Variants in PITPNM2 observed in about 807,000 individuals in gnomAD.
PITPNM2 encodes phosphatidylinositol transfer protein membrane associated 2.
PITPNM2 carries 35 observed loss-of-function variants against 132.2 expected under a neutral mutation model. The ratio of observed to expected loss-of-function variants is 0.26; its 90% CI spans 0.20 to 0.35. PITPNM2 has a LOEUF of 0.35. PITPNM2 is among the 10% of genes least tolerant of loss of function. The pLI, the probability that PITPNM2 is intolerant of heterozygous loss-of-function variation, is 1.00. For synonymous variants in PITPNM2, 738 were observed against 799.2 expected (o/e 0.92, Z 1.29); for missense variants, 1,332 against 1,912.0 (o/e 0.70, Z 5.66).
intron 1 of PITPNM2, among the ~76,000 whole-genome samples, chr12:123,137,104 G>A (rs1413937655): frequency 6.6e-6 from 1 of 152,152 alleles, no homozygotes; most frequent in Non-Finnish European, 1.5e-5. Flanking sequence ...TTTCCGCTCT[G>A]AGCCAGCCAC....
chr12:123,080,578 G>A (rs1234665476), intron 2 of PITPNM2, among the ~76,000 whole-genome samples: 1 of 152,228 alleles, frequency 6.6e-6, no homozygotes, highest in African/African-American at 2.4e-5. Context: ...GGGGCCCAAG[G>A]CAGAGATCCT....
chr12:123,107,367 T>C (rs1229031179), intron 2 of PITPNM2, among the ~76,000 whole-genome samples: 1 of 152,190 alleles, frequency 6.6e-6, no homozygotes, highest in Non-Finnish European at 1.5e-5. Flanking sequence ...AGGGCAAATA[T>C]TCTCCTTGGC....
At chr12:123,129,704 AG>A (rs1430640319) in intron 1 of PITPNM2, among the ~76,000 whole-genome samples, 1 of 151,972 alleles carries the variant, frequency 6.6e-6, no homozygotes, top group African/African-American at 2.4e-5. Flanking sequence ...TATGTTTCTG[AG>A]GCTGGCCCAC....
At chr12:123,007,217 T>A (rs2038972170) in intron 6 of PITPNM2, among the ~76,000 whole-genome samples, 1 of 152,036 alleles carries the variant, frequency 6.6e-6, no homozygotes, top group Admixed American at 6.6e-5. Flanking sequence ...TCTGGGTGAG[T>A]TTTGTCCATG....
chr12:123,048,537 C>A (rs1422211028), intron 2 of PITPNM2, among the ~76,000 whole-genome samples: 1 of 152,054 alleles, frequency 6.6e-6, no homozygotes, highest in Admixed American at 6.5e-5. Context: ...CTCAGCCTCC[C>A]GAGTAGCTGG....
chr12:123,011,884 T>C (rs960418135), intron 5 of PITPNM2, among the ~76,000 whole-genome samples: 5 of 152,128 alleles, frequency 3.3e-5, no homozygotes, highest in African/African-American at 9.7e-5. Flanking sequence ...CCACTCATGC[T>C]ATGACGCTTT....
Position 123,097,975 on chromosome 12 carries a change from G to A in PITPNM2, c.-96+12410C>T, listed in dbSNP as rs1298188926. 6.6e-6 allele frequency among the ~76,000 whole-genome samples: 1 copy of A among 152,218 alleles called. No homozygotes were observed. Among genetic ancestry groups the A allele is most frequent in the Non-Finnish European group, 1.5e-5 (1 of 68,044 alleles). ...ATGTCGAAAATGATACATCACAGCC[G>A]CCAGGCCACAGGGAGACCAAAGGTG... On this transcript the variant is annotated intron_variant, in intron 2 of 25. Coordinates refer to ENST00000320201, the MANE Select transcript of PITPNM2 (RefSeq NM_020845.3). This position sits in a 1 kb window ranked among gnomAD's most constrained non-coding sequence, Gnocchi z 4.7.
intron 3 of PITPNM2, 44 bp downstream of exon 3, chr12:123,034,469 C>T (rs375752451): frequency 7.1e-5 from 111 of 1,570,200 alleles, no homozygotes; most frequent in Non-Finnish European, 9.4e-5. Flanking sequence ...TGCGCTGGCG[C>T]GACCCACCCT....
intron 1 of PITPNM2, among the ~76,000 whole-genome samples, chr12:123,141,076 C>T (rs184923851): frequency 6.6e-6 from 1 of 152,134 alleles, no homozygotes; most frequent in African/African-American, 2.4e-5. Flanking sequence ...GGCTGTGTAA[C>T]AGAACATGAC....
At chr12:122,999,494 G>A (rs891647379) in intron 10 of PITPNM2, among the ~76,000 whole-genome samples, 5 of 152,196 alleles carry the variant, frequency 3.3e-5, no homozygotes, top group Non-Finnish European at 7.4e-5. Flanking sequence ...CAGCCTTCAC[G>A]ACAGGGAGGT....
intron 1 of PITPNM2, among the ~76,000 whole-genome samples, chr12:123,136,702 C>T (rs2043389290): frequency 6.6e-6 from 1 of 151,842 alleles, no homozygotes; most frequent in Non-Finnish European, 1.5e-5. Context: ...TTGACACCAT[C>T]CTGGCTAATG....
At chr12:123,096,775 C>G (rs1485215853) in intron 2 of PITPNM2, among the ~76,000 whole-genome samples, 1 of 152,136 alleles carries the variant, frequency 6.6e-6, no homozygotes, top group African/African-American at 2.4e-5. Flanking sequence ...CCAGGCAGGG[C>G]AGAAGCAGAA....
chr12:122,988,396 GGGCTTCCTGCCCTGGGAGGAGGA>G, intron 19 of PITPNM2, 46 bp from the exon 20 acceptor site: 1 of 1,544,666 alleles, frequency 6.5e-7, no homozygotes, highest in Non-Finnish European at 8.9e-7. Context: ...TGCCACCCGG[GGGCTTCCTGCCCTGGGAGGAGGA>G]GGCCCAGTAC....
At chr12:123,124,668 C>A (rs1238984444) in intron 1 of PITPNM2, among the ~76,000 whole-genome samples, 3 of 152,054 alleles carry the variant, frequency 2.0e-5, no homozygotes, top group Non-Finnish European at 2.9e-5. Context: ...TGTGCTACAC[C>A]CATTAACTCG....
chr12:123,139,396 G>A (rs2043452682), intron 1 of PITPNM2, among the ~76,000 whole-genome samples: 1 of 151,802 alleles, frequency 6.6e-6, no homozygotes, highest in Non-Finnish European at 1.5e-5. Context: ...AGCTACTCAG[G>A]AGGCTGAGGC....
chr12:123,119,355 A>ACTTTTTTTTTTTTTTTT lies in PITPNM2; in HGVS notation c.-199-8868_-199-8867insAAAAAAAAAAAAAAAAG. Among the ~76,000 whole-genome samples, 2 of 129,306 alleles carry ACTTTTTTTTTTTTTTTT rather than the reference A, an allele frequency of 1.5e-5. 1 individual carries two copies. The highest frequency in any genetic ancestry group is 1.6e-4 in the Admixed American group (2 of 12,668). The allele number at this position is 129,306 out of a possible 152,430, so 84.8% of individuals were successfully genotyped here. A position where few individuals can be genotyped will look rare whatever the true frequency, so the allele number is the denominator to read the frequency against. On this transcript the variant is annotated intron_variant, in intron 1 of 25. Transcript: ENST00000320201. ...CTATCTAGAAGCATAGAGGATGGTG[A>ACTTTTTTTTTTTTTTTT]TTTTTTTTTTTTTTTTTTTTGAGAC...
chr12:123,021,522 G>A (rs927369449), intron 3 of PITPNM2, among the ~76,000 whole-genome samples: 1 of 152,146 alleles, frequency 6.6e-6, no homozygotes, highest in Non-Finnish European at 1.5e-5. Flanking sequence ...TTTGTAGAGT[G>A]CCTTGGTCTC....
In PITPNM2 at chr12:123,008,287, A is replaced by G. The variant is rs1490003513; in HGVS notation, c.643+1563T>C. Among the ~76,000 whole-genome samples, 1 of 152,200 alleles carries G rather than the reference A, an allele frequency of 6.6e-6. No individual in the cohort carries two copies. Among genetic ancestry groups the G allele is most frequent in the East Asian group, 1.9e-4 (1 of 5,194 alleles). On this transcript the variant is annotated intron_variant, in intron 6 of 25. Transcript: ENST00000320201. This position sits in a 1 kb window ranked among gnomAD's most constrained non-coding sequence, Gnocchi z 4.1. ...GAGCCAAGCAGACCCACAGAGCCAGAGTGCCAGGAGCTGCAGCCTTAGTAG... is the reference window on the plus strand; with the variant it reads ...GAGCCAAGCAGACCCACAGAGCCAGGGTGCCAGGAGCTGCAGCCTTAGTAG...
In PITPNM2 at chr12:123,008,297, G is replaced by C. The variant is rs1196513475; in HGVS notation, c.643+1553C>G. On this transcript the variant is annotated intron_variant, in intron 6 of 25. Coordinates refer to ENST00000320201, the MANE Select transcript of PITPNM2 (RefSeq NM_020845.3). The surrounding 1 kb of genome is among the most constrained non-coding windows in gnomAD (Gnocchi z 4.1). ...GACCCACAGAGCCAGAGTGCCAGGA[G>C]CTGCAGCCTTAGTAGGTCTGCTGGG... is the stretch of plus-strand genomic sequence containing the variant. Among the ~76,000 whole-genome samples the C allele has an allele frequency of 6.6e-6, 1 of 152,224 alleles. No homozygotes were observed. Among genetic ancestry groups the C allele is most frequent in the Non-Finnish European group, 1.5e-5 (1 of 68,042 alleles).
Sources: gnomAD v4.1 joint callset for allele counts (sites outside exome capture counted in the v4.1 genomes callset) on GRCh38, gnomAD v4.1.1 for gene constraint, Gnocchi (gnomAD v3.1) non-coding constraint, MANE v1.5 for transcripts, NCBI Gene and HGNC (gene_info 2026-07-23, HGNC 2026-07-21) for gene names.